SPOP: variants seen among roughly 807,000 people sequenced by gnomAD.
SPOP encodes the protein speckle-type POZ protein.
SPOP carries 11 observed loss-of-function variants against 45.6 expected under a neutral mutation model. The observed-to-expected ratio is 0.24, with a 90% CI of 0.15 to 0.40. SPOP has a LOEUF of 0.40. Among genes scored for constraint, SPOP ranks in the 10% least tolerant of loss-of-function variants. The pLI is 1.00. For synonymous variants in SPOP, 166 were observed against 166.3 expected, an observed-to-expected ratio of 1.00 and a Z score of 0.01; for missense variants, 152 against 465.6, an observed-to-expected ratio of 0.33 and a Z score of 6.20.
At chr17:49,671,265 T>A (rs898049197) in intron 1 of SPOP, among the ~76,000 whole-genome samples, 21 of 151,742 alleles carry the variant, frequency 1.4e-4, no homozygotes, top group African/African-American at 5.1e-4. Context: ...TTCCAGAAGC[T>A]CCATATGGTA....
chr17:49,605,135 GA>G (rs1250730723), intron 8 of SPOP, among the ~76,000 whole-genome samples: 1 of 152,138 alleles, frequency 6.6e-6, no homozygotes, highest in Non-Finnish European at 1.5e-5. Flanking sequence ...TTGATTCTAA[GA>G]TCTGCATTTT....
intron 8 of SPOP, among the ~76,000 whole-genome samples, chr17:49,603,916 T>C (rs2071786137): frequency 6.6e-6 from 1 of 152,228 alleles, no homozygotes; most frequent in Non-Finnish European, 1.5e-5. Context: ...CCATGCCCTG[T>C]GTACTTACAG....
At chr17:49,657,009 G>A (rs547318646) in intron 1 of SPOP, among the ~76,000 whole-genome samples, 2 of 151,984 alleles carry the variant, frequency 1.3e-5, no homozygotes, top group South Asian at 2.1e-4. Context: ...GTGAAATCCC[G>A]TCTCTACTAA....
intron 6 of SPOP, 29 bp downstream of exon 6, chr17:49,611,251 T>C (rs2071966551): frequency 6.3e-7 from 1 of 1,596,200 alleles, no homozygotes; most frequent in Non-Finnish European, 8.5e-7. Flanking sequence ...TCACCAAAAC[T>C]ATAAAATTCC....
chr17:49,618,038 G>A lies in SPOP; in HGVS notation c.480+943C>T, dbSNP rs919097483. Among the ~76,000 whole-genome samples, 6 of 152,122 alleles carry A rather than the reference G, an allele frequency of 3.9e-5. No individual in the cohort carries two copies. The South Asian group carries it at 6.2e-4, about 16-fold the overall frequency. ...GGACTCCATTCCCTGCTACTCAGGT[G>A]GTGATATGCCTTTGAAACTGTCATT... On this transcript the variant is annotated intron_variant, in intron 5 of 9. Transcript: ENST00000504102.
chr17:49,607,200 A>G (rs770532878), intron 8 of SPOP, 50 bp downstream of exon 8: 1 of 1,611,666 alleles, frequency 6.2e-7, no homozygotes, highest in Non-Finnish European at 8.5e-7. Flanking sequence ...ATGAAACACA[A>G]GAAGTCACAA....
At chr17:49,624,370 C>T (rs2072287068) in intron 1 of SPOP, among the ~76,000 whole-genome samples, 1 of 150,748 alleles carries the variant, frequency 6.6e-6, no homozygotes, top group African/African-American at 2.4e-5. Flanking sequence ...CACACGGTAA[C>T]TGTCAGATAA....
intron 5 of SPOP, among the ~76,000 whole-genome samples, chr17:49,617,895 G>C (rs2072122089): frequency 6.9e-6 from 1 of 145,722 alleles, no homozygotes; most frequent in Non-Finnish European, 1.5e-5. Context: ...CTGCACTCTA[G>C]CCTGGGTGAC....
chr17:49,633,598 C>T (rs909181370), intron 1 of SPOP, among the ~76,000 whole-genome samples: 2 of 152,048 alleles, frequency 1.3e-5, no homozygotes, highest in Non-Finnish European at 2.9e-5. Flanking sequence ...TTCCCTTGCC[C>T]TAGAAACTAT....
At position 49,598,961 on chromosome 17, in the gene SPOP, G is replaced by C. The variant is rs1184423572; in HGVS notation, c.*1417C>G. On this transcript the variant is annotated 3_prime_UTR_variant, in exon 10 of 10. Transcript: ENST00000504102. Reference sequence around the variant, plus strand: ...CTTTTTATATTTAGTTAGAAGAAGGGAGGTGGGGATTAGGTCTTAAAACAT... The same window carrying C: ...CTTTTTATATTTAGTTAGAAGAAGGCAGGTGGGGATTAGGTCTTAAAACAT... The C allele has an allele frequency of 2.6e-5, 5 of 194,976 alleles. No homozygotes were observed. Among genetic ancestry groups the C allele is most frequent in the African/African-American group, 1.2e-4 (5 of 43,152 alleles). The allele number at this position is 194,976 out of a possible 1,614,324, so 12.1% of individuals were successfully genotyped here. A position where few individuals can be genotyped will look rare whatever the true frequency, so the allele number is the denominator to read the frequency against.
At chr17:49,613,740 G>T (rs539125678) in intron 5 of SPOP, among the ~76,000 whole-genome samples, 113 of 152,266 alleles carry the variant, frequency 7.4e-4, no homozygotes, top group African/African-American at 2.7e-3. Context: ...CATTAAATAC[G>T]CTTAATTAAA....
intron 1 of SPOP, among the ~76,000 whole-genome samples, chr17:49,626,014 T>G (rs929199574): frequency 2.0e-5 from 3 of 152,250 alleles, no homozygotes; most frequent in African/African-American, 7.2e-5. Context: ...ATCGTTTTGA[T>G]ATTGGAGCAA....
intron 1 of SPOP, among the ~76,000 whole-genome samples, chr17:49,666,951 G>A (rs983157543): frequency 2.0e-4 from 31 of 152,130 alleles, no homozygotes; most frequent in African/African-American, 5.6e-4. Flanking sequence ...GGCCAAGGTG[G>A]GTGGATCACC....
At chr17:49,669,637 C>T (rs1484596478) in intron 1 of SPOP, among the ~76,000 whole-genome samples, 6 of 149,982 alleles carry the variant, frequency 4.0e-5, no homozygotes, top group Non-Finnish European at 5.9e-5. Flanking sequence ...TGGTGATGTG[C>T]GCCTGTAGTC....
In SPOP at chr17:49,619,506, T is replaced by G; in HGVS notation, c.201-121A>C. Reference sequence around the variant, plus strand: ...TGCAGGCCCCATAGAAGAATATAATTCAGTAGAATGACTAGTTGGGAACAA... The same window carrying G: ...TGCAGGCCCCATAGAAGAATATAATGCAGTAGAATGACTAGTTGGGAACAA... On this transcript the variant is annotated intron_variant, in intron 3 of 9. Transcript: ENST00000504102. The surrounding 1 kb of genome is among the most constrained non-coding windows in gnomAD (Gnocchi z 4.9). 38 of 948,426 alleles carry G rather than the reference T, an allele frequency of 4.0e-5. No homozygotes were observed. Among genetic ancestry groups the G allele is most frequent in the Non-Finnish European group, 5.5e-5 (36 of 650,784 alleles). The allele number at this position is 948,426 out of a possible 1,614,324, so 58.8% of individuals were successfully genotyped here.
In SPOP at chr17:49,672,523, C is replaced by T. The variant is rs539556974; in HGVS notation, c.-67+5410G>A. Among the ~76,000 whole-genome samples the T allele has an allele frequency of 5.9e-5, 9 of 152,266 alleles. No individual in the cohort carries two copies. In the East Asian group the frequency reaches 1.7e-3, roughly 29 times the overall value. Reference sequence around the variant, plus strand: ...AGAAACACGTACAAAGTAGTCTCATCAAAAATGTTTAATGATAATCTAATC... The same window carrying T: ...AGAAACACGTACAAAGTAGTCTCATTAAAAATGTTTAATGATAATCTAATC... On this transcript the variant is annotated intron_variant, in intron 1 of 9. Coordinates refer to ENST00000504102, the MANE Select transcript of SPOP (RefSeq NM_001007228.2).
chr17:49,645,564 G>A lies in SPOP; in HGVS notation c.-66-22688C>T, dbSNP rs71379375. On this transcript the variant is annotated intron_variant, in intron 1 of 9. Transcript: ENST00000504102. The stretch of plus-strand genomic sequence containing the variant: ...CCCACCTCGGCCTCCCAAAGTGCTG[G>A]GATTACAGGCATGAGTCACCGCGCC... Among the ~76,000 whole-genome samples, 8 of 151,736 alleles carry A rather than the reference G, an allele frequency of 5.3e-5. No homozygotes were observed. The South Asian group carries it at 1.5e-3, about 28-fold the overall frequency.
In SPOP at chr17:49,667,516, G is replaced by A. The variant is rs184779350; in HGVS notation, c.-67+10417C>T. On this transcript the variant is annotated intron_variant, in intron 1 of 9. Transcript: ENST00000504102. ...AGGCAGGAGAATCGCTTGAACCTGG[G>A]AGGCAGAGGCTGTAGTGCACCAAGA... Among the ~76,000 whole-genome samples the A allele has an allele frequency of 9.7e-3, 1,472 of 152,234 alleles. 14 individuals carry two copies. Among genetic ancestry groups the A allele is most frequent in the Middle Eastern group, 0.014 (4 of 294 alleles).
In SPOP at chr17:49,622,782, G is replaced by A. The variant is rs767367200; in HGVS notation, c.29C>T (p.Pro10Leu). The A allele has an allele frequency of 5.0e-6, 8 of 1,614,026 alleles. No individual in the cohort carries two copies. The highest frequency in any genetic ancestry group is 3.3e-5 in the South Asian group (3 of 91,090). The change falls in exon 2 of 10, where the codon CCG becomes CTG. Residue 10 changes from proline to leucine, a missense_variant. This residue lies in a region of SPOP where 18 missense variants were observed against 33.6 expected (regional missense o/e 0.54). Coordinates refer to ENST00000504102, the MANE Select transcript of SPOP (RefSeq NM_001007228.2). The stretch of plus-strand genomic sequence containing the variant: ...TACGGGGCCACTCGACATTTCTGCC[G>A]GAGGTGGAGGACTTGGAACCCTTGA... MSRVPSPPP[P>L]AEMSSGPVAE...
Sources: gnomAD v4.1 joint callset for allele counts (sites outside exome capture counted in the v4.1 genomes callset) on GRCh38, gnomAD v4.1.1 for gene constraint, gnomAD v4.1.1 regional missense constraint, Gnocchi (gnomAD v3.1) non-coding constraint, MANE v1.5 for transcripts, NCBI Gene and HGNC (gene_info 2026-07-23, HGNC 2026-07-21) for gene names.